SLCO3A1: variants seen among roughly 807,000 people sequenced by gnomAD.
SLCO3A1 encodes PGE1 transporter.
Under a neutral mutation model 63.1 loss-of-function variants are expected in SLCO3A1, and 27 were observed. The ratio of observed to expected loss-of-function variants is 0.43; its 90% CI spans 0.32 to 0.59. The LOEUF is 0.59. Ranked by LOEUF, SLCO3A1 falls within the 20% of genes least tolerant of loss-of-function variation. The pLI is 0.09. For synonymous variants in SLCO3A1, 473 were observed against 409.9 expected (o/e 1.15, Z -1.86); for missense variants, 773 against 945.8 (o/e 0.82, Z 2.40).
chr15:92,009,185 A>G (rs770090460), intron 2 of SLCO3A1, among the ~76,000 whole-genome samples: 1 of 152,200 alleles, frequency 6.6e-6, no homozygotes, highest in African/African-American at 2.4e-5. Context: ...CCCCTGAGTT[A>G]CAGTTGGGAA....
chr15:91,986,368 G>A (rs2046053056), intron 2 of SLCO3A1, among the ~76,000 whole-genome samples: 1 of 152,178 alleles, frequency 6.6e-6, no homozygotes, highest in African/African-American at 2.4e-5. Context: ...GTGCCTATTG[G>A]CAGCAGGATC....
intron 9 of SLCO3A1, among the ~76,000 whole-genome samples, chr15:92,160,339 T>G (rs752667181): frequency 6.6e-6 from 1 of 152,106 alleles, no homozygotes; most frequent in Non-Finnish European, 1.5e-5. Flanking sequence ...TAGTTTCTAT[T>G]ATGCGGTTGC....
chr15:91,977,827 C>G (rs1040309058), intron 2 of SLCO3A1, among the ~76,000 whole-genome samples: 1 of 152,122 alleles, frequency 6.6e-6, no homozygotes. Context: ...TGCAAGCAAA[C>G]CTTATTAGAA....
At chr15:92,142,670 C>G (rs1001203113) in intron 7 of SLCO3A1, among the ~76,000 whole-genome samples, 1 of 152,212 alleles carries the variant, frequency 6.6e-6, no homozygotes, top group African/African-American at 2.4e-5. Flanking sequence ...ACCCTGCTGT[C>G]TGCTCGCCTC....
At position 91,916,527 on chromosome 15, in the gene SLCO3A1, T is replaced by A; in HGVS notation, c.646+69T>A. ...TGACCATGGATAAAAGGTGGCCTGG[T>A]GGACTTTGATTTTGCCAGAGTACTG... On this transcript the variant is annotated intron_variant, in intron 2 of 9. Coordinates refer to ENST00000318445, the MANE Select transcript of SLCO3A1 (RefSeq NM_013272.4). The surrounding 1 kb of genome is among the most constrained non-coding windows in gnomAD (Gnocchi z 6.2). The A allele has an allele frequency of 8.2e-7, 1 of 1,220,742 alleles. No homozygotes were observed. The highest frequency in any genetic ancestry group is 1.1e-6 in the Non-Finnish European group (1 of 876,452). The allele number at this position is 1,220,742 out of a possible 1,614,324, so 75.6% of individuals were successfully genotyped here. A position where few individuals can be genotyped will look rare whatever the true frequency, so the allele number is the denominator to read the frequency against.
chr15:92,008,198 A>G lies in SLCO3A1; in HGVS notation c.647-86683A>G, dbSNP rs969297693. ...CACATAACACATAATTCAGATTGCT[A>G]TATTTCTTGAAATGGCTTCCACTGG... On this transcript the variant is annotated intron_variant, in intron 2 of 9. Transcript: ENST00000318445. Among the ~76,000 whole-genome samples the G allele has an allele frequency of 9.2e-5, 14 of 152,212 alleles. 1 individual carries two copies. The highest frequency in any genetic ancestry group is 4.6e-4 in the Admixed American group (7 of 15,286).
At position 91,928,487 on chromosome 15, in the gene SLCO3A1, C is replaced by T. The variant is rs114274756; in HGVS notation, c.646+12029C>T. ...ATCCCAAGGGCCTTATCTTTCCCAT[C>T]GTATGCTACCCCTCCACCATCCCCA... On this transcript the variant is annotated intron_variant, in intron 2 of 9. Coordinates refer to ENST00000318445, the MANE Select transcript of SLCO3A1 (RefSeq NM_013272.4). Among the ~76,000 whole-genome samples the T allele has an allele frequency of 5.4e-3, 815 of 152,282 alleles. 2 individuals carry two copies. The highest frequency in any genetic ancestry group is 0.019 in the African/African-American group (776 of 41,548).
Position 91,859,399 on chromosome 15 carries a change from G to C in SLCO3A1, c.180+5311G>C, listed in dbSNP as rs1447737025. Among the ~76,000 whole-genome samples, 1 of 152,210 alleles carries C rather than the reference G, an allele frequency of 6.6e-6. No homozygotes were observed. Among genetic ancestry groups the C allele is most frequent in the Non-Finnish European group, 1.5e-5 (1 of 68,036 alleles). ...TGGAATCATGGACCTTGGCTCATAG[G>C]ATAAATGAATTGATGTGATTCAAAG... On this transcript the variant is annotated intron_variant, in intron 1 of 9. Coordinates refer to ENST00000318445, the MANE Select transcript of SLCO3A1 (RefSeq NM_013272.4). The surrounding 1 kb of genome is among the most constrained non-coding windows in gnomAD (Gnocchi z 5.1).
chr15:92,151,611 C>T (rs1276573913), intron 9 of SLCO3A1, among the ~76,000 whole-genome samples: 5 of 152,180 alleles, frequency 3.3e-5, no homozygotes, highest in African/African-American at 1.2e-4. Context: ...CACCCAAGGT[C>T]CTTCCTGGGC....
intron 4 of SLCO3A1, among the ~76,000 whole-genome samples, chr15:92,113,735 A>T (rs1004416639): frequency 6.6e-6 from 1 of 152,108 alleles, no homozygotes; most frequent in East Asian, 1.9e-4. Flanking sequence ...TTGCTTTTAG[A>T]AGACTCCCAG....
At chr15:91,953,428 G>C (rs577123600) in intron 2 of SLCO3A1, among the ~76,000 whole-genome samples, 45 of 152,084 alleles carry the variant, frequency 3.0e-4, no homozygotes, top group Non-Finnish European at 5.4e-4. Flanking sequence ...TGAATGCGGT[G>C]GGGGGAGGAA....
chr15:91,974,501 A>G (rs990830919), intron 2 of SLCO3A1, among the ~76,000 whole-genome samples: 1 of 152,052 alleles, frequency 6.6e-6, no homozygotes, highest in African/African-American at 2.4e-5. Flanking sequence ...TCACTGCTGG[A>G]AACTAGAAGG....
At chr15:91,892,778 G>A (rs12439962) in intron 1 of SLCO3A1, among the ~76,000 whole-genome samples, 9,249 of 152,188 alleles carry the variant, frequency 0.061, 573 homozygotes, top group African/African-American at 0.15. Context: ...CACCAGCTGC[G>A]TGACTACTCC....
intron 8 of SLCO3A1, among the ~76,000 whole-genome samples, 160 bp downstream of exon 8, chr15:92,147,319 T>C (rs1025778997): frequency 6.6e-6 from 1 of 151,966 alleles, no homozygotes; most frequent in African/African-American, 2.4e-5. Context: ...GAATCAATTA[T>C]GTTTGATAGG....
At chr15:91,991,744 G>A (rs1046611922) in intron 2 of SLCO3A1, among the ~76,000 whole-genome samples, 3 of 152,164 alleles carry the variant, frequency 2.0e-5, no homozygotes, top group Admixed American at 6.5e-5. Flanking sequence ...AAAACTAAAC[G>A]CACATCTCAA....
Position 91,885,883 on chromosome 15 carries a change from G to A in SLCO3A1, c.181-30110G>A, listed in dbSNP as rs927876832. Among the ~76,000 whole-genome samples, 5 of 152,196 alleles carry A rather than the reference G, an allele frequency of 3.3e-5. No individual in the cohort carries two copies. Among genetic ancestry groups the A allele is most frequent in the African/African-American group, 1.2e-4 (5 of 41,460 alleles). ...AACTATTTGGAGCAAGAATGTTTCA[G>A]GCAGAGGGACTAGGAAGTGCAAAGG... On this transcript the variant is annotated intron_variant, in intron 1 of 9. Transcript: ENST00000318445. This position sits in a 1 kb window ranked among gnomAD's most constrained non-coding sequence, Gnocchi z 4.7.
chr15:91,941,163 G>T lies in SLCO3A1; in HGVS notation c.646+24705G>T, dbSNP rs115612658. 0.013 allele frequency among the ~76,000 whole-genome samples: 1,910 copies of T among 152,326 alleles called. 51 individuals carry two copies. Among genetic ancestry groups the T allele is most frequent in the African/African-American group, 0.042 (1,731 of 41,562 alleles). On this transcript the variant is annotated intron_variant, in intron 2 of 9. Coordinates refer to ENST00000318445, the MANE Select transcript of SLCO3A1 (RefSeq NM_013272.4). The surrounding 1 kb of genome is among the most constrained non-coding windows in gnomAD (Gnocchi z 4.4). The stretch of plus-strand genomic sequence containing the variant: ...ATTAATTCTGTAGGCTCCCTTGCCT[G>T]GTTGTGGGCAGCACTGCTCCAGGGC...
chr15:92,069,089 T>TCCCCCCCCCCCCA (rs760619386), intron 2 of SLCO3A1, among the ~76,000 whole-genome samples: 2 of 59,070 alleles, frequency 3.4e-5, no homozygotes, highest in African/African-American at 5.5e-5. Flanking sequence ...ATTCAAGGGC[T>TCCCCCCCCCCCCA]CCCCCCGCCC....
chr15:92,151,177 TAAACTC>T (rs1176788813), intron 9 of SLCO3A1, 163 bp downstream of exon 9: 1 of 587,628 alleles, frequency 1.7e-6, no homozygotes, highest in East Asian at 2.9e-5. Context: ...TGGTCAGAGA[TAAACTC>T]AGACACTGCC....
Sources: allele counts gnomAD v4.1 joint callset (sites outside exome capture counted in the v4.1 genomes callset), GRCh38; gene constraint gnomAD v4.1.1; non-coding constraint Gnocchi (gnomAD v3.1); transcripts MANE v1.5; gene names NCBI Gene and HGNC (gene_info 2026-07-23, HGNC 2026-07-21).